XYLT1: variants seen among roughly 807,000 people sequenced by gnomAD.
XYLT1 encodes the protein xylosyltransferase 1, also known as beta-D-xylosyltransferase 1.
Under a neutral mutation model 91.3 loss-of-function variants are expected in XYLT1, and 36 were observed. The ratio of observed to expected loss-of-function variants is 0.39; its 90% confidence interval spans 0.30 to 0.52. The LOEUF (loss-of-function observed/expected upper bound fraction) is 0.52. Among genes scored for constraint, XYLT1 ranks in the 20% least tolerant of loss-of-function variants. XYLT1 has a pLI of 0.68. For missense variants in XYLT1, 1,242 were observed against 1,284.5 expected (o/e 0.97, Z 0.51); for synonymous variants, 588 against 532.0 (o/e 1.11, Z -1.45).
Position 17,200,663 on chromosome 16 carries a change from A to C in XYLT1, c.914-9T>G, listed in dbSNP as rs1244804362. 1 of 1,610,536 alleles carries C rather than the reference A, an allele frequency of 6.2e-7. No individual in the cohort carries two copies. The highest frequency in any genetic ancestry group is 1.7e-5 in the Admixed American group (1 of 59,958). On this transcript the variant is annotated splice_polypyrimidine_tract_variant and intron_variant, in intron 3 of 11. Coordinates refer to ENST00000261381, the MANE Select transcript of XYLT1 (RefSeq NM_022166.4). Reference sequence around the variant, plus strand: ...GTTCTTGTTGGCTTTACCTGGGGAAAATCCAAGAGAACAGAGAGGAGAAAG... The same window carrying C: ...GTTCTTGTTGGCTTTACCTGGGGAACATCCAAGAGAACAGAGAGGAGAAAG...
At position 17,127,709 on chromosome 16, in the gene XYLT1, A is replaced by T; in HGVS notation, c.2180T>A (p.Ile727Asn). Reference sequence around the variant, plus strand: ...CCCAAAGTCACTGGGTGGGCTTGCGATCTTGAAGACTTTTTTCGGCATCAC... The same window carrying T: ...CCCAAAGTCACTGGGTGGGCTTGCGTTCTTGAAGACTTTTTTCGGCATCAC... ...TWVMPKKVFKIASPPSDFGRL... is the reference protein window; with the variant it reads ...TWVMPKKVFKNASPPSDFGRL... The change falls in exon 10 of 12, where the codon ATC becomes AAC. Residue 727 changes from isoleucine (I) to asparagine (N), a missense_variant. By Grantham distance (149) the Ile-to-Asn change is moderately radical. Coordinates refer to ENST00000261381, the MANE Select transcript of XYLT1 (RefSeq NM_022166.4). The T allele has an allele frequency of 6.2e-7, 1 of 1,614,104 alleles. No individual in the cohort carries two copies. The highest frequency in any genetic ancestry group is 2.2e-5 in the East Asian group (1 of 44,872).
intron 2 of XYLT1, among the ~76,000 whole-genome samples, chr16:17,298,366 TC>T (rs1336892527): frequency 1.3e-5 from 2 of 152,158 alleles, no homozygotes; most frequent in East Asian, 3.9e-4. Context: ...GGAGATCTCA[TC>T]TCATCTTCAC....
intron 1 of XYLT1, among the ~76,000 whole-genome samples, chr16:17,388,059 A>T (rs1022754035): frequency 6.6e-6 from 1 of 152,202 alleles, no homozygotes; most frequent in Non-Finnish European, 1.5e-5. Context: ...TAACGCACCT[A>T]ACCTACCGAA....
chr16:17,336,098 AG>A (rs1439372878), intron 2 of XYLT1, among the ~76,000 whole-genome samples: 1 of 152,192 alleles, frequency 6.6e-6, no homozygotes, highest in East Asian at 1.9e-4. Flanking sequence ...CACAGCATGG[AG>A]AAACGTGCGG....
rs531958285 is a variant in XYLT1, at chr16:17,437,897, T to G, written c.363+32537A>C. Among the ~76,000 whole-genome samples, 30 of 152,316 alleles carry G rather than the reference T, an allele frequency of 2.0e-4. No homozygotes were observed. In the South Asian group the frequency reaches 5.6e-3, roughly 28 times the overall value. ...AGGCTGAATACTGGTTGCCGCACGG[T>G]GCAGTCAGCCTTTCTGGACGGGATC... On this transcript the variant is annotated intron_variant, in intron 1 of 11. Transcript: ENST00000261381.
At chr16:17,345,640 A>G (rs1169610731) in intron 2 of XYLT1, among the ~76,000 whole-genome samples, 2 of 152,230 alleles carry the variant, frequency 1.3e-5, no homozygotes, top group African/African-American at 4.8e-5. Flanking sequence ...AGCCTTTCTC[A>G]AAGGTGATGC....
intron 2 of XYLT1, among the ~76,000 whole-genome samples, chr16:17,308,399 C>T (rs2034497814): frequency 6.6e-6 from 1 of 152,146 alleles, no homozygotes; most frequent in Non-Finnish European, 1.5e-5. Flanking sequence ...GGACAGAGTC[C>T]AACACCAGGC....
chr16:17,209,770 A>G lies in XYLT1; in HGVS notation c.914-9116T>C, dbSNP rs573235712. Among the ~76,000 whole-genome samples, 4 of 152,362 alleles carry G rather than the reference A, an allele frequency of 2.6e-5. No individual in the cohort carries two copies. In the South Asian group the frequency reaches 8.3e-4, roughly 32 times the overall value. ...ATAAAGCCATACAGCCTGATTGTGGAGGAGTTCATGTGGTGTGACTCCGCG... is the reference window on the plus strand; with the variant it reads ...ATAAAGCCATACAGCCTGATTGTGGGGGAGTTCATGTGGTGTGACTCCGCG... On this transcript the variant is annotated intron_variant, in intron 3 of 11. Coordinates refer to ENST00000261381, the MANE Select transcript of XYLT1 (RefSeq NM_022166.4).
intron 3 of XYLT1, among the ~76,000 whole-genome samples, chr16:17,244,238 G>A (rs1297365530): frequency 6.6e-6 from 1 of 152,104 alleles, no homozygotes; most frequent in Non-Finnish European, 1.5e-5. Context: ...TTCTGTCCTC[G>A]ACCTGGGTCA....
intron 5 of XYLT1, among the ~76,000 whole-genome samples, chr16:17,165,327 TTC>T (rs1260513312): frequency 1.3e-5 from 2 of 152,226 alleles, no homozygotes; most frequent in Non-Finnish European, 2.9e-5. Context: ...CCTATGCTGC[TTC>T]TCTCACTCAT....
chr16:17,318,194 A>C (rs559888902), intron 2 of XYLT1, among the ~76,000 whole-genome samples: 39 of 152,344 alleles, frequency 2.6e-4, no homozygotes, highest in African/African-American at 9.1e-4. Context: ...ATGCTGAATA[A>C]ATACTCAAGG....
At chr16:17,415,533 A>T (rs1441734700) in intron 1 of XYLT1, among the ~76,000 whole-genome samples, 1 of 152,192 alleles carries the variant, frequency 6.6e-6, no homozygotes, top group Non-Finnish European at 1.5e-5. Flanking sequence ...CCACTAAAAA[A>T]TACAAAAAAT....
intron 1 of XYLT1, among the ~76,000 whole-genome samples, chr16:17,403,236 C>T (rs896831148): frequency 1.3e-5 from 2 of 152,168 alleles, no homozygotes; most frequent in African/African-American, 4.8e-5. Flanking sequence ...GCAGCTATAG[C>T]CATTTGACAG....
chr16:17,247,460 A>C (rs2033457566), intron 3 of XYLT1, among the ~76,000 whole-genome samples: 1 of 152,172 alleles, frequency 6.6e-6, no homozygotes. Flanking sequence ...AGAGCTGCCA[A>C]TCGAGAGGTG....
chr16:17,252,938 C>T (rs983222357), intron 3 of XYLT1, among the ~76,000 whole-genome samples: 4 of 152,152 alleles, frequency 2.6e-5, no homozygotes, highest in African/African-American at 9.7e-5. Flanking sequence ...TGTGTGTATG[C>T]TTATATGTAT....
intron 3 of XYLT1, among the ~76,000 whole-genome samples, chr16:17,254,859 G>A (rs1015762199): frequency 6.6e-6 from 1 of 152,182 alleles, no homozygotes; most frequent in East Asian, 1.9e-4. Flanking sequence ...CTGCAAGGAG[G>A]TTGGCACCCC....
At chr16:17,119,107 ATATAAGCTCTG>A (rs1446076059) in intron 10 of XYLT1, among the ~76,000 whole-genome samples, 1 of 152,148 alleles carries the variant, frequency 6.6e-6, no homozygotes. Flanking sequence ...TCCAGCTGTA[ATATAAGCTCTG>A]TGTGAACAGG....
intron 2 of XYLT1, among the ~76,000 whole-genome samples, chr16:17,289,331 C>T (rs1567358310): frequency 6.6e-6 from 1 of 152,146 alleles, no homozygotes; most frequent in Non-Finnish European, 1.5e-5. Context: ...CCATTTGTGC[C>T]AGCTTTTTTC....
chr16:17,229,551 C>T (rs1387370186), intron 3 of XYLT1, among the ~76,000 whole-genome samples: 1 of 152,184 alleles, frequency 6.6e-6, no homozygotes, highest in Non-Finnish European at 1.5e-5. Flanking sequence ...CATGTAAGGT[C>T]AATGAGAGAA....
Sources: gnomAD v4.1 joint callset for allele counts (sites outside exome capture counted in the v4.1 genomes callset) on GRCh38, gnomAD v4.1.1 for gene constraint, MANE v1.5 for transcripts, NCBI Gene and HGNC (gene_info 2026-07-23, HGNC 2026-07-21) for gene names.